Variants in SPATA20 observed in about 807,000 individuals in gnomAD.
SPATA20 encodes the protein spermatogenesis associated 20, also known as spermatogenesis-associated protein 20.
SPATA20 carries 74 observed loss-of-function variants against 98.9 expected under a neutral mutation model. The observed-to-expected ratio is 0.75, with a 90% CI of 0.62 to 0.91. SPATA20 has a LOEUF of 0.91. Among genes scored for constraint, SPATA20 ranks in the 40% least tolerant of loss-of-function variants. The probability of loss-of-function intolerance (pLI) is 0.00; values close to 1 mark genes in which losing one functional copy is unlikely to be tolerated. For missense variants in SPATA20, 1,016 were observed against 1,069.8 expected (o/e 0.95, Z 0.70); for synonymous variants, 430 against 440.5 (o/e 0.98, Z 0.30).
At chr17:50,547,978 G>A (rs2034941668) in intron 2 of SPATA20, 1 of 1,492,824 alleles carries the variant, frequency 6.7e-7, no homozygotes, top group Non-Finnish European at 8.9e-7. Flanking sequence ...TAAGAATGGA[G>A]CCCCAAGAAC....
In SPATA20 at chr17:50,548,624, G is replaced by A; in HGVS notation, c.361+6G>A. 6.2e-7 allele frequency: 1 copy of A among 1,612,458 alleles called. No individual in the cohort carries two copies. Among genetic ancestry groups the A allele is most frequent in the Non-Finnish European group, 8.5e-7 (1 of 1,179,658 alleles). ...CAAGCCGATTTTCCTCTCAGGTAATGCTCCCACCTTCCCTGATGTGGGGGT... is the reference window on the plus strand; with the variant it reads ...CAAGCCGATTTTCCTCTCAGGTAATACTCCCACCTTCCCTGATGTGGGGGT... On this transcript the variant is annotated splice_donor_region_variant and intron_variant, in intron 4 of 16. Coordinates refer to ENST00000006658, the MANE Select transcript of SPATA20 (RefSeq NM_022827.4).
Position 50,549,976 on chromosome 17 carries a change from C to T in SPATA20, c.863-9C>T. On this transcript the variant is annotated splice_polypyrimidine_tract_variant and intron_variant, in intron 7 of 16. Coordinates refer to ENST00000006658, the MANE Select transcript of SPATA20 (RefSeq NM_022827.4). ...TTCTCTCACCTGCATGTTCTTGGTG[C>T]CCCCACAGTGATCCTGAGCTTCCTG... is the stretch of plus-strand genomic sequence containing the variant. 1 of 1,534,516 alleles carries T rather than the reference C, an allele frequency of 6.5e-7. No individual in the cohort carries two copies. The highest frequency in any genetic ancestry group is 8.8e-7 in the Non-Finnish European group (1 of 1,136,062).
intron 15 of SPATA20, 25 bp downstream of exon 15, chr17:50,554,475 G>A (rs2035065503): frequency 1.6e-5 from 26 of 1,603,720 alleles, no homozygotes; most frequent in Non-Finnish European, 2.2e-5. Context: ...CATCTGGGCT[G>A]GGACCTCGGG....
At chr17:50,547,331 T>C in intron 1 of SPATA20, 46 bp downstream of exon 1, 1 of 1,387,732 alleles carries the variant, frequency 7.2e-7, no homozygotes, top group Non-Finnish European at 9.4e-7. Context: ...TGCGCCTGCC[T>C]GCGGGCCCAG....
Position 50,554,885 on chromosome 17 carries a change from CTGTGTGTGTG to C in SPATA20, c.2158-312_2158-303del, listed in dbSNP as rs3062812. On this transcript the variant is annotated intron_variant, in intron 15 of 16. Transcript: ENST00000006658. ...GTATCTGCCTCTGTGTGGGCATCTACTGTGTGTGTGTGTGTGTGTGTGTGTGTGTGTGTGT... is the reference window on the plus strand; with the variant it reads ...GTATCTGCCTCTGTGTGGGCATCTACTGTGTGTGTGTGTGTGTGTGTGTGT... Among the ~76,000 whole-genome samples, 937 of 141,530 alleles carry C rather than the reference CTGTGTGTGTG, an allele frequency of 6.6e-3. 5 individuals carry two copies. Among genetic ancestry groups the C allele is most frequent in the South Asian group, 0.038 (144 of 3,820 alleles). The allele number at this position is 141,530 out of a possible 152,430, so 92.8% of individuals were successfully genotyped here. A position where few individuals can be genotyped will look rare whatever the true frequency, so the allele number is the denominator to read the frequency against.
At chr17:50,550,497 G>T (rs1026133973) in intron 9 of SPATA20, 39 bp from the exon 10 acceptor site, 1 of 1,575,878 alleles carries the variant, frequency 6.3e-7, no homozygotes, top group South Asian at 1.1e-5. Context: ...CCTCCCCAGT[G>T]ACCTCTCTGT....
Position 50,555,296 on chromosome 17 carries a change from T to A in SPATA20, c.2222T>A (p.Val741Asp). The A allele has an allele frequency of 6.2e-7, 1 of 1,613,934 alleles. No individual in the cohort carries two copies. The highest frequency in any genetic ancestry group is 8.5e-7 in the Non-Finnish European group (1 of 1,179,918). Residue 741 changes from valine to aspartate, a missense_variant, in exon 16 of 17, where the codon GTC becomes GAC. Transcript: ENST00000006658. ...TKALVQCVHSVYIPNKVLILA... is the reference protein window; with the variant it reads ...TKALVQCVHSDYIPNKVLILA... ...GCCCTGGTGCAGTGCGTCCACTCTG[T>A]CTACATTCCTAACAAGGTACCCATC...
intron 14 of SPATA20, among the ~76,000 whole-genome samples, chr17:50,553,503 C>T (rs978830695): frequency 6.6e-5 from 10 of 151,042 alleles, no homozygotes; most frequent in African/African-American, 2.2e-4. Flanking sequence ...GCAGGGCCCG[C>T]GTGTTCCAGG....
intron 15 of SPATA20, 84 bp from the exon 16 acceptor site, chr17:50,555,148 G>T: frequency 9.3e-7 from 1 of 1,080,312 alleles, no homozygotes; most frequent in Non-Finnish European, 1.4e-6. Context: ...CGGTGGGGCG[G>T]AAGGAGGATG....
rs982866224 is a variant in SPATA20 at position 50,549,109 on chromosome 17, G to C, written c.583G>C (p.Gly195Arg). 6.2e-7 allele frequency: 1 copy of C among 1,613,114 alleles called. No homozygotes were observed. Among genetic ancestry groups the C allele is most frequent in the Non-Finnish European group, 8.5e-7 (1 of 1,179,734 alleles). Residue 195 changes from glycine to arginine, a missense_variant, in exon 6 of 17, where the codon GGG (glycine) becomes CGG (arginine). Coordinates refer to ENST00000006658, the MANE Select transcript of SPATA20 (RefSeq NM_022827.4). ...GACTCCCAACCTCCAGCCCTTTGTC[G>C]GGGGCACCTATTTCCCTCCTGAGGA... ...WLTPNLQPFV[G>R]GTYFPPEDGL...
At position 50,550,238 on chromosome 17, in the gene SPATA20, T is replaced by G; in HGVS notation, c.1024T>G (p.Trp342Gly). Residue 342 changes from tryptophan (W) to glycine (G), a missense_variant, in exon 9 of 17, where the codon TGG (tryptophan) becomes GGG (glycine). Transcript: ENST00000006658. ...GFHRYSTDRQ[W>G]HVPHFEKMLY... ...TCACCGCTACTCCACAGACCGCCAG[T>G]GGCACGTCCCTCACTTTGAGAAGAT... 2 of 1,611,726 alleles carry G rather than the reference T, an allele frequency of 1.2e-6. No homozygotes were observed. The highest frequency in any genetic ancestry group is 1.7e-6 in the Non-Finnish European group (2 of 1,178,708).
chr17:50,555,384 C>G, intron 16 of SPATA20, 72 bp downstream of exon 16: 1 of 1,595,162 alleles, frequency 6.3e-7, no homozygotes, highest in African/African-American at 1.3e-5. Flanking sequence ...TCCTCAACAT[C>G]TCCTTCCCCT....
rs61701576 is a variant in SPATA20, at chr17:50,554,578, C to G, written c.2157+128C>G. ...GCTCAGGTCTGTGTGTGTGCAGGCA[C>G]GTGGCCTGTCAGACAGGGAGGCAGA... On this transcript the variant is annotated intron_variant, in intron 15 of 16. Transcript: ENST00000006658. 1.5e-3 allele frequency: 1,370 copies of G among 910,894 alleles called. 7 individuals carry two copies. In the African/African-American group the frequency reaches 0.021, roughly 14 times the overall value. 56.4% of individuals were successfully genotyped at this position (910,894 alleles called of 1,614,324 possible).
chr17:50,555,237 G>A lies in SPATA20; in HGVS notation c.2163G>A (p.Val721=), dbSNP rs764207318. The A allele has an allele frequency of 1.2e-6, 2 of 1,613,806 alleles. No homozygotes were observed. The highest frequency in any genetic ancestry group is 4.5e-5 in the East Asian group (2 of 44,894). ...SAQQQTLKQI[V]ICGDRQAKDT... ...GACCTTTCTATTCCGGTCAGATCGT[G>A]ATCTGTGGAGACCGTCAGGCCAAGG... The change falls in exon 16 of 17, where the codon GTG becomes GTA. Residue 721 remains valine (V), a synonymous_variant. Transcript: ENST00000006658.
chr17:50,549,343 C>G lies in SPATA20; in HGVS notation c.718C>G (p.Leu240Val). ...ENSQRVTTAL[L>V]ARSEISVGDR... The stretch of plus-strand genomic sequence containing the variant: ...TAGCCAGCGTGTCACCACTGCCCTG[C>G]TGGCCCGATCAGAGATCAGCGTGGG... Residue 240 changes from leucine (L) to valine (V), a missense_variant, in exon 7 of 17, where the codon CTG becomes GTG. Physicochemically the swap from Leu to Val is conservative, Grantham distance 32. Coordinates refer to ENST00000006658, the MANE Select transcript of SPATA20 (RefSeq NM_022827.4). The G allele has an allele frequency of 6.2e-7, 1 of 1,612,670 alleles. No individual in the cohort carries two copies. Among genetic ancestry groups the G allele is most frequent in the Admixed American group, 1.7e-5 (1 of 60,036 alleles).
rs775743487 is a variant in SPATA20, at chr17:50,552,191, G to A, written c.1957+11G>A. 1.2e-6 allele frequency: 2 copies of A among 1,612,482 alleles called. No homozygotes were observed. Among genetic ancestry groups the A allele is most frequent in the Non-Finnish European group, 1.7e-6 (2 of 1,179,344 alleles). ...TGCGTCTGAAGGACGGTCAGTGGGG[G>A]TGCAGGGCTAGTCTGGGGTCCTGGG... is the stretch of plus-strand genomic sequence containing the variant. On this transcript the variant is annotated intron_variant, in intron 14 of 16. Coordinates refer to ENST00000006658, the MANE Select transcript of SPATA20 (RefSeq NM_022827.4).
Position 50,551,068 on chromosome 17 carries a change from G to C in SPATA20, c.1454G>C (p.Arg485Pro), listed in dbSNP as rs761972209. ...TACTCGCTGGAGCTGACTGCTGCCC[G>C]CTTTGGCTTGGATGTGGAGGCCGTG... ...VRYSLELTAA[R>P]FGLDVEAVRT... is the part of the protein sequence containing the mutation. Residue 485 changes from arginine to proline, a missense_variant, in exon 12 of 17, where the codon CGC becomes CCC. Arg to Pro is a moderately radical substitution (Grantham distance 103, BLOSUM62 -2). Coordinates refer to ENST00000006658, the MANE Select transcript of SPATA20 (RefSeq NM_022827.4). 6.2e-7 allele frequency: 1 copy of C among 1,613,410 alleles called. No individual in the cohort carries two copies. Among genetic ancestry groups the C allele is most frequent in the Admixed American group, 1.7e-5 (1 of 60,024 alleles).
Position 50,549,470 on chromosome 17 carries a change from C to T in SPATA20, c.845C>T (p.Pro282Leu), listed in dbSNP as rs2034975419. The change falls in exon 7 of 17, where the codon CCC becomes CTC. Residue 282 changes from proline to leucine, a missense_variant. Pro to Leu is a moderately conservative substitution (Grantham distance 98). Transcript: ENST00000006658. The stretch of plus-strand genomic sequence containing the variant: ...GAATACGGTGGCTTCGCTGAGGCCC[C>T]CAAGTTTCCCACGCCGGGTCAGTGC... ...DEEYGGFAEA[P>L]KFPTPVILSF... 6.2e-7 allele frequency: 1 copy of T among 1,611,848 alleles called. No homozygotes were observed. Among genetic ancestry groups the T allele is most frequent in the South Asian group, 1.1e-5 (1 of 91,072 alleles).
chr17:50,552,565 C>CTTTTTTTTTTT (rs36121212), intron 14 of SPATA20, among the ~76,000 whole-genome samples: 1 of 128,626 alleles, frequency 7.8e-6, no homozygotes, highest in African/African-American at 2.9e-5. Context: ...CTTTCTTTCT[C>CTTTTTTTTTTT]TTTTTTTTTT....
Sources: allele counts gnomAD v4.1 joint callset (sites outside exome capture counted in the v4.1 genomes callset), GRCh38; gene constraint gnomAD v4.1.1; transcripts MANE v1.5; gene names NCBI Gene and HGNC (gene_info 2026-07-23, HGNC 2026-07-21).